Variants in CEP290 observed in about 807,000 individuals in gnomAD.
The protein encoded by CEP290 is centrosomal protein of 290 kDa.
Under a neutral mutation model 344.9 loss-of-function variants are expected in CEP290, and 317 were observed. That is an observed-to-expected ratio of 0.92 (90% confidence interval 0.84 to 1.01). CEP290 has a LOEUF of 1.01. CEP290 is among the 50% of genes least tolerant of loss of function. The pLI is 0.00. For synonymous variants in CEP290, 932 were observed against 895.8 expected, an observed-to-expected ratio of 1.04 and a Z score of -0.72; for missense variants, 2,754 against 2,761.4, an observed-to-expected ratio of 1.00 and a Z score of 0.06.
intron 45 of CEP290, 50 bp from the exon 46 acceptor site, chr12:88,062,828 TGAAAA>T: frequency 8.1e-7 from 1 of 1,236,374 alleles, no homozygotes; most frequent in Non-Finnish European, 1.2e-6. Flanking sequence ...CTACAGCCAT[TGAAAA>T]GAAAAGGCAA....
intron 44 of CEP290, among the ~76,000 whole-genome samples, chr12:88,064,338 G>A (rs1257271359): frequency 6.6e-6 from 1 of 152,110 alleles, no homozygotes; most frequent in African/African-American, 2.4e-5. Context: ...AGCAAAGCAA[G>A]TATGACTTAA....
rs1031434799 is a variant in CEP290 at position 88,132,829 on chromosome 12, C to G, written c.442-1611G>C. Among the ~76,000 whole-genome samples, 25 of 152,228 alleles carry G rather than the reference C, an allele frequency of 1.6e-4. 1 individual carries two copies. The highest frequency in any genetic ancestry group is 1.3e-3 in the Admixed American group (20 of 15,284). ...ATGGTGGCTTGCTGCACAGATCAACCCATAACCTAGATATTAAGCCCAGCA... is the reference window on the plus strand; with the variant it reads ...ATGGTGGCTTGCTGCACAGATCAACGCATAACCTAGATATTAAGCCCAGCA... On this transcript the variant is annotated intron_variant, in intron 6 of 53. Transcript: ENST00000552810.
intron 17 of CEP290, among the ~76,000 whole-genome samples, chr12:88,117,799 C>G (rs1004487081): frequency 1.3e-5 from 2 of 152,100 alleles, no homozygotes; most frequent in African/African-American, 2.4e-5. Context: ...CTTTGGGGAG[C>G]CAAAGTGGAT....
At chr12:88,131,056 A>G in intron 7 of CEP290, 109 bp downstream of exon 7, 1 of 790,582 alleles carries the variant, frequency 1.3e-6, no homozygotes, top group Non-Finnish European at 1.9e-6. Flanking sequence ...TGAAAACATC[A>G]GTTACTTAGA....
intron 6 of CEP290, among the ~76,000 whole-genome samples, chr12:88,133,415 A>G (rs577326620): frequency 4.6e-5 from 7 of 152,166 alleles, no homozygotes; most frequent in African/African-American, 1.7e-4. Flanking sequence ...GCTGCATAGT[A>G]TTCTATGATG....
intron 44 of CEP290, among the ~76,000 whole-genome samples, chr12:88,067,909 A>G (rs2035063871): frequency 6.6e-6 from 1 of 152,136 alleles, no homozygotes; most frequent in Non-Finnish European, 1.5e-5. Flanking sequence ...GTCTTTTACC[A>G]TTTTTAATTC....
chr12:88,059,947 G>A lies in CEP290; in HGVS notation c.6596C>T (p.Thr2199Ile). 6.3e-7 allele frequency: 1 copy of A among 1,591,260 alleles called. No homozygotes were observed. Among genetic ancestry groups the A allele is most frequent in the Non-Finnish European group, 8.6e-7 (1 of 1,168,618 alleles). Residue 2199 changes from threonine to isoleucine, a missense_variant, in exon 48 of 54, where the codon ACA (threonine) becomes ATA (isoleucine). Physicochemically the swap from Thr to Ile is moderately conservative, Grantham distance 89. Coordinates refer to ENST00000552810, the MANE Select transcript of CEP290 (RefSeq NM_025114.4). ...TTCATTTTCAGCAATAATTTTTTCT[G>A]TGCCTTTGGTCTTGGATTCATAGTG... Reference protein sequence around the residue: ...SMHYESKTKGTEKIIAENERL... With the variant: ...SMHYESKTKGIEKIIAENERL...
intron 46 of CEP290, among the ~76,000 whole-genome samples, chr12:88,061,600 TTC>T (rs1329461327): frequency 2.0e-5 from 3 of 152,014 alleles, no homozygotes; most frequent in African/African-American, 7.3e-5. Flanking sequence ...TATGCTTAAT[TTC>T]TTTTTGCATT....
chr12:88,139,499 T>G lies in CEP290; in HGVS notation c.246A>C (p.Lys82Asn), dbSNP rs761233532. The G allele has an allele frequency of 3.2e-5, 51 of 1,598,940 alleles. No individual in the cohort carries two copies. Among genetic ancestry groups the G allele is most frequent in the Non-Finnish European group, 4.2e-5 (49 of 1,173,458 alleles). Reference protein sequence around the residue: ...EVEKAGEEQAKFENQLKTKVM... With the variant: ...EVEKAGEEQANFENQLKTKVM... ...AACTTTTTCCAAGGTGCTTACCAAA[T>G]TTTGCTTGTTCTTCTCCAGCTTTTT... The change falls in exon 4 of 54, where the codon AAA (lysine) becomes AAC (asparagine). Residue 82 changes from lysine to asparagine, a missense_variant. By Grantham distance (94) the Lys-to-Asn change is moderately conservative (BLOSUM62 0). Transcript: ENST00000552810.
In CEP290 at chr12:88,139,637, T is replaced by C. The variant is rs956354903; in HGVS notation, c.181-73A>G. ...TAAGCACTGAAAATAAAAATTCTGTTTTATTTGTTATGATCCTTAGTGCCA... is the reference window on the plus strand; with the variant it reads ...TAAGCACTGAAAATAAAAATTCTGTCTTATTTGTTATGATCCTTAGTGCCA... On this transcript the variant is annotated intron_variant, in intron 3 of 53. Transcript: ENST00000552810. The C allele has an allele frequency of 1.2e-5, 14 of 1,183,066 alleles. No homozygotes were observed. The East Asian group carries it at 1.4e-4, about 12-fold the overall frequency. The allele number at this position is 1,183,066 out of a possible 1,614,324, so 73.3% of individuals were successfully genotyped here.
At chr12:88,110,724 T>G (rs1343745415) in intron 22 of CEP290, among the ~76,000 whole-genome samples, 1 of 152,066 alleles carries the variant, frequency 6.6e-6, no homozygotes, top group Non-Finnish European at 1.5e-5. Flanking sequence ...AAAAGTAGTT[T>G]TTACTTGTGA....
intron 49 of CEP290, among the ~76,000 whole-genome samples, chr12:88,057,302 G>A (rs2034086640): frequency 6.6e-6 from 1 of 152,128 alleles, no homozygotes; most frequent in Non-Finnish European, 1.5e-5. Flanking sequence ...ATCTAGGCAA[G>A]GTGGGCTTTT....
At chr12:88,130,704 C>T in intron 7 of CEP290, 139 bp from the exon 8 acceptor site, 1 of 560,700 alleles carries the variant, frequency 1.8e-6, no homozygotes, top group South Asian at 3.6e-5. Context: ...AGAAAGAATA[C>T]TAATTATCTA....
Position 88,107,000 on chromosome 12 carries a change from T to C in CEP290, c.2582A>G (p.Tyr861Cys). The C allele has an allele frequency of 6.5e-7, 1 of 1,544,008 alleles. No homozygotes were observed. The highest frequency in any genetic ancestry group is 8.8e-7 in the Non-Finnish European group (1 of 1,142,704). The change falls in exon 24 of 54, where the codon TAT becomes TGT. Residue 861 changes from tyrosine (Y) to cysteine (C), a missense_variant. Physicochemically the swap from Tyr to Cys is radical, Grantham distance 194 (BLOSUM62 -2). Transcript: ENST00000552810. Reference sequence around the variant, plus strand: ...TGTTAAAAATGTTTTACTTACATTATATTCTTTTACTTTTATAGCATCTTG... The same window carrying C: ...TGTTAAAAATGTTTTACTTACATTACATTCTTTTACTTTTATAGCATCTTG... ...VQQDAIKVKE[Y>C]NNLLNALQMD...
intron 5 of CEP290, among the ~76,000 whole-genome samples, chr12:88,138,249 T>A (rs2040449932): frequency 6.6e-6 from 1 of 152,180 alleles, no homozygotes; most frequent in South Asian, 2.1e-4. Context: ...GACTTCATAA[T>A]CATCACTTCA....
intron 3 of CEP290, among the ~76,000 whole-genome samples, chr12:88,140,674 A>C (rs1185746525): frequency 6.6e-6 from 1 of 152,146 alleles, no homozygotes; most frequent in Non-Finnish European, 1.5e-5. Flanking sequence ...TCCCTATAGC[A>C]GTCATTGTCT....
At chr12:88,053,617 TG>T in intron 52 of CEP290, 34 bp downstream of exon 52, 2 of 1,068,996 alleles carry the variant, frequency 1.9e-6, no homozygotes, top group Non-Finnish European at 1.4e-6. Flanking sequence ...TTCAAAAACT[TG>T]GGGGTAGCTA....
chr12:88,114,770 G>A (rs570008400), intron 19 of CEP290, among the ~76,000 whole-genome samples: 1 of 152,196 alleles, frequency 6.6e-6, no homozygotes, highest in African/African-American at 2.4e-5. Context: ...ATATACACAC[G>A]TATATAAGGC....
At chr12:88,125,634 T>A (rs1340571285) in intron 12 of CEP290, among the ~76,000 whole-genome samples, 3 of 152,080 alleles carry the variant, frequency 2.0e-5, no homozygotes, top group Non-Finnish European at 4.4e-5. Flanking sequence ...ATGGCTTCTA[T>A]ACTTCCTTAT....
Sources: allele counts gnomAD v4.1 joint callset (sites outside exome capture counted in the v4.1 genomes callset), GRCh38; gene constraint gnomAD v4.1.1; transcripts MANE v1.5; gene names NCBI Gene and HGNC (gene_info 2026-07-23, HGNC 2026-07-21).